The following TGFB2 variants were observed in gnomAD, a reference collection of about 807,000 sequenced individuals.
The protein encoded by TGFB2 is transforming growth factor beta 2.
In TGFB2, 13 loss-of-function variants were observed where a neutral mutation model predicts 42.7. That is an observed-to-expected ratio of 0.30 (90% CI 0.20 to 0.48). The LOEUF is 0.48. TGFB2 is among the 20% of genes least tolerant of loss of function. TGFB2 has a pLI of 0.99. For missense variants in TGFB2, 390 were observed against 517.5 expected (o/e 0.75, Z 2.39); for synonymous variants, 193 against 193.6 (o/e 1.00, Z 0.03).
chr1:218,378,538 T>A (rs1657832827), intron 1 of TGFB2, among the ~76,000 whole-genome samples: 1 of 152,108 alleles, frequency 6.6e-6, no homozygotes, highest in African/African-American at 2.4e-5. Context: ...AGTCTCGAAC[T>A]TCTGACCTCA....
chr1:218,440,756 A>G (rs1660125708), intron 6 of TGFB2, among the ~76,000 whole-genome samples: 1 of 152,198 alleles, frequency 6.6e-6, no homozygotes, highest in South Asian at 2.1e-4. Context: ...CCTGATCTGG[A>G]GGGAGCTCTT....
chr1:218,435,170 G>T (rs1659931326), intron 4 of TGFB2, among the ~76,000 whole-genome samples: 1 of 152,174 alleles, frequency 6.6e-6, no homozygotes, highest in Non-Finnish European at 1.5e-5. Context: ...CCAGGCCAGA[G>T]AATTGATTTC....
At chr1:218,370,602 A>G (rs1009849578) in intron 1 of TGFB2, among the ~76,000 whole-genome samples, 2 of 152,190 alleles carry the variant, frequency 1.3e-5, no homozygotes, top group African/African-American at 4.8e-5. Flanking sequence ...GCATTATTTT[A>G]TAAGCTCAGG....
At chr1:218,351,383 A>G (rs1367129951) in intron 1 of TGFB2, among the ~76,000 whole-genome samples, 2 of 152,196 alleles carry the variant, frequency 1.3e-5, no homozygotes, top group East Asian at 3.8e-4. Flanking sequence ...TTCCAGAATG[A>G]TTGAGTTATT....
intron 2 of TGFB2, among the ~76,000 whole-genome samples, chr1:218,429,698 A>G (rs1030639255): frequency 6.6e-6 from 1 of 152,160 alleles, no homozygotes; most frequent in African/African-American, 2.4e-5. Context: ...TTTCTTTCCT[A>G]TAGGAACTTG....
At chr1:218,410,560 G>A (rs559478614) in intron 2 of TGFB2, among the ~76,000 whole-genome samples, 5 of 152,310 alleles carry the variant, frequency 3.3e-5, no homozygotes, top group African/African-American at 9.6e-5. Flanking sequence ...GGCTTCCCAT[G>A]TATACCAATA....
intron 2 of TGFB2, among the ~76,000 whole-genome samples, chr1:218,414,437 A>G (rs1659206268): frequency 6.6e-6 from 1 of 152,188 alleles, no homozygotes; most frequent in South Asian, 2.1e-4. Flanking sequence ...TCTTCTTAAT[A>G]CTGATCCTAG....
At chr1:218,414,125 T>C (rs1659192490) in intron 2 of TGFB2, among the ~76,000 whole-genome samples, 1 of 152,166 alleles carries the variant, frequency 6.6e-6, no homozygotes, top group Non-Finnish European at 1.5e-5. Flanking sequence ...TAAGGGATTC[T>C]GATGCTGCAA....
At chr1:218,414,215 C>T (rs1419733267) in intron 2 of TGFB2, among the ~76,000 whole-genome samples, 1 of 145,084 alleles carries the variant, frequency 6.9e-6, no homozygotes, top group Non-Finnish European at 1.5e-5. Context: ...TTTCCTAACC[C>T]TAAACACATG....
chr1:218,369,221 C>T (rs964103746), intron 1 of TGFB2, among the ~76,000 whole-genome samples: 1 of 130,526 alleles, frequency 7.7e-6, no homozygotes, highest in African/African-American at 2.9e-5. Flanking sequence ...TGCCTCTTCA[C>T]TCCAGCCTGG....
At chr1:218,433,658 C>T (rs1357054206) in intron 2 of TGFB2, among the ~76,000 whole-genome samples, 1 of 152,148 alleles carries the variant, frequency 6.6e-6, no homozygotes, top group Non-Finnish European at 1.5e-5. Flanking sequence ...GAGAGTGAGC[C>T]TGGGTCCTCT....
chr1:218,355,493 C>CT (rs1283585607), intron 1 of TGFB2, among the ~76,000 whole-genome samples: 5 of 152,224 alleles, frequency 3.3e-5, no homozygotes, highest in African/African-American at 1.2e-4. Context: ...TGGTTAGCAA[C>CT]TTGGCTCTCT....
At chr1:218,390,359 T>G (rs1270628896) in intron 1 of TGFB2, among the ~76,000 whole-genome samples, 1 of 152,094 alleles carries the variant, frequency 6.6e-6, no homozygotes, top group Non-Finnish European at 1.5e-5. Flanking sequence ...AACAGCTTAT[T>G]TTTTTCTTAA....
intron 1 of TGFB2, among the ~76,000 whole-genome samples, chr1:218,383,672 G>GT (rs1415137669): frequency 6.6e-6 from 1 of 152,144 alleles, no homozygotes; most frequent in Non-Finnish European, 1.5e-5. Flanking sequence ...CTGTTTGTGA[G>GT]TTTTTTTACT....
intron 1 of TGFB2, among the ~76,000 whole-genome samples, chr1:218,364,414 A>G (rs567951016): frequency 6.6e-6 from 1 of 152,344 alleles, no homozygotes; most frequent in African/African-American, 2.4e-5. Context: ...CTGGACGATG[A>G]GTCCACAACA....
At chr1:218,381,199 GA>G (rs1657946808) in intron 1 of TGFB2, among the ~76,000 whole-genome samples, 2 of 151,958 alleles carry the variant, frequency 1.3e-5, no homozygotes, top group South Asian at 4.2e-4. Context: ...TACAGACGAG[GA>G]AACTGAGGCC....
At chr1:218,408,844 C>CA (rs1174951104) in intron 2 of TGFB2, among the ~76,000 whole-genome samples, 1 of 152,108 alleles carries the variant, frequency 6.6e-6, no homozygotes, top group Non-Finnish European at 1.5e-5. Context: ...TTCCACAGAG[C>CA]ATTACTTTTA....
At chr1:218,415,192 T>C (rs1233275470) in intron 2 of TGFB2, among the ~76,000 whole-genome samples, 1 of 152,232 alleles carries the variant, frequency 6.6e-6, no homozygotes, top group Non-Finnish European at 1.5e-5. Flanking sequence ...GTTACTATTA[T>C]TATCATTACA....
At chr1:218,359,267 T>G (rs760789018) in intron 1 of TGFB2, among the ~76,000 whole-genome samples, 2 of 152,214 alleles carry the variant, frequency 1.3e-5, no homozygotes, top group Non-Finnish European at 2.9e-5. Context: ...TGAGATATCT[T>G]GAGGCATTTT....
Sources: gnomAD v4.1 joint callset for allele counts (sites outside exome capture counted in the v4.1 genomes callset) on GRCh38, gnomAD v4.1.1 for gene constraint, MANE v1.5 for transcripts, NCBI Gene and HGNC (gene_info 2026-07-23, HGNC 2026-07-21) for gene names.